Variants in MYBPC1 observed in about 807,000 individuals in gnomAD.
The protein encoded by MYBPC1 is myosin binding protein C1.
MYBPC1 carries 52 observed loss-of-function variants against 147.1 expected under a neutral mutation model. That is an observed-to-expected ratio of 0.35 (90% CI 0.28 to 0.45). The LOEUF is 0.45. MYBPC1 is among the 20% of genes least tolerant of loss of function. MYBPC1 has a pLI of 1.00. For missense variants in MYBPC1, 1,228 were observed against 1,440.3 expected, an observed-to-expected ratio of 0.85 and a Z score of 2.39; for synonymous variants, 477 against 475.9, an observed-to-expected ratio of 1.00 and a Z score of -0.03.
intron 22 of MYBPC1, chr12:101,664,482 G>A (rs1193073619): frequency 6.6e-6 from 1 of 152,180 alleles, no homozygotes; most frequent in African/African-American, 2.4e-5. Flanking sequence ...CTTTAACACA[G>A]ATCCTCGAAG....
At chr12:101,687,229 C>G (rs1168899655), downstream of MYBPC1, among the ~76,000 whole-genome samples, 6 of 152,050 alleles carry the variant, frequency 3.9e-5, no homozygotes, top group East Asian at 1.9e-4. Flanking sequence ...CCCGCTCCCC[C>G]CACCCCACAA....
chr12:101,632,094 A>G lies in MYBPC1; in HGVS notation c.512A>G (p.Tyr171Cys), dbSNP rs1890020152. The G allele has an allele frequency of 6.2e-7, 1 of 1,614,056 alleles. No homozygotes were observed. Among genetic ancestry groups the G allele is most frequent in the East Asian group, 2.2e-5 (1 of 44,888 alleles). The change falls in exon 8 of 32, where the codon TAT (tyrosine) becomes TGT (cysteine). Residue 171 changes from tyrosine (Y) to cysteine (C), a missense_variant. Physicochemically the swap from Tyr to Cys is radical, Grantham distance 194. Transcript: ENST00000361466. ...FAGNYRCEVTYKDKFDSCSFD... is the reference protein window; with the variant it reads ...FAGNYRCEVTCKDKFDSCSFD... The stretch of plus-strand genomic sequence containing the variant: ...GGAAATTACAGATGCGAGGTCACCT[A>G]TAAGGATAAGTTTGACAGCTGTTCA...
intron 10 of MYBPC1, 68 bp downstream of exon 10, chr12:101,636,796 C>T: frequency 1.5e-6 from 2 of 1,340,068 alleles, no homozygotes; most frequent in Non-Finnish European, 2.1e-6. Flanking sequence ...TCAGAGAAGT[C>T]AAGTTTAAAG....
Position 101,666,719 on chromosome 12 carries a change from T to G in MYBPC1, c.2357-1013T>G, listed in dbSNP as rs151263297. On this transcript the variant is annotated intron_variant, in intron 22 of 31. Transcript: ENST00000361466. ...TGGTGTGAAAGTGGGTGTCTTTAAT[T>G]AATTTTAATGACGGATTCTCAAAGG... is the stretch of plus-strand genomic sequence containing the variant. The G allele has an allele frequency of 5.1e-4, 813 of 1,604,834 alleles. 6 individuals are homozygous for G. In the African/African-American group the frequency reaches 8.1e-3, roughly 16 times the overall value.
intron 14 of MYBPC1, 118 bp downstream of exon 14, chr12:101,648,268 T>A (rs139108848): frequency 1.4e-6 from 1 of 700,572 alleles, no homozygotes; most frequent in African/African-American, 1.8e-5. Context: ...CTCCACCTCA[T>A]TTGTGTTAGT....
At chr12:101,687,221 C>T (rs775788271), downstream of MYBPC1, among the ~76,000 whole-genome samples, 11 of 151,988 alleles carry the variant, frequency 7.2e-5, no homozygotes, top group Non-Finnish European at 1.2e-4. Context: ...TATCCCTCCC[C>T]GCTCCCCCCA....
At chr12:101,633,323 A>G (rs1215891923) in intron 8 of MYBPC1, among the ~76,000 whole-genome samples, 1 of 152,206 alleles carries the variant, frequency 6.6e-6, no homozygotes, top group Admixed American at 6.5e-5. Context: ...ACAAATTTCC[A>G]TGCATGAGAA....
chr12:101,685,835 C>T lies in MYBPC1; in HGVS notation c.*273C>T. ...AGAAAAAAAAAAAAAAAAGTTTGCC[C>T]AGATTGCTTAATTAAAAATTGCAAA... On this transcript the variant is annotated 3_prime_UTR_variant, in exon 32 of 32. Coordinates refer to ENST00000361466, the MANE Select transcript of MYBPC1 (RefSeq NM_002465.4). 1 of 578,770 alleles carries T rather than the reference C, an allele frequency of 1.7e-6. No individual in the cohort carries two copies. The highest frequency in any genetic ancestry group is 2.9e-6 in the Non-Finnish European group (1 of 346,168). The allele number at this position is 578,770 out of a possible 1,614,324, so 35.9% of individuals were successfully genotyped here.
At chr12:101,675,184 G>A in intron 25 of MYBPC1, 108 bp from the exon 26 acceptor site, 1 of 1,435,602 alleles carries the variant, frequency 7.0e-7, no homozygotes, top group Non-Finnish European at 9.6e-7. Context: ...CTAGAAGAGT[G>A]ATGCCTCCTG....
In MYBPC1 at chr12:101,649,418, G is replaced by A; in HGVS notation, c.1355G>A (p.Ser452Asn). 1.2e-6 allele frequency: 2 copies of A among 1,613,816 alleles called. No homozygotes were observed. Among genetic ancestry groups the A allele is most frequent in the Non-Finnish European group, 1.7e-6 (2 of 1,179,784 alleles). ...TTGGQSSAKL[S>N]VDLKPLKILT... is the part of the protein sequence containing the mutation. ...GGAGGACAATCATCTGCTAAACTTA[G>A]TGTTGACTGTAAGTGAGACTTCTTT... is the stretch of plus-strand genomic sequence containing the variant. Residue 452 changes from serine to asparagine, a missense_variant, in exon 15 of 32, where the codon AGT becomes AAT. By Grantham distance (46) the Ser-to-Asn change is conservative. Transcript: ENST00000361466.
intron 14 of MYBPC1, 128 bp downstream of exon 14, chr12:101,648,278 T>C: frequency 3.1e-6 from 2 of 652,698 alleles, no homozygotes; most frequent in Non-Finnish European, 5.4e-6. Context: ...TTTGTGTTAG[T>C]AGAGATGATA....
chr12:101,638,677 GA>G (rs978120464), intron 10 of MYBPC1, among the ~76,000 whole-genome samples: 42 of 151,448 alleles, frequency 2.8e-4, no homozygotes, highest in African/African-American at 9.9e-4. Flanking sequence ...GATTAAAAAG[GA>G]AAAAAAGAAA....
At chr12:101,678,742 A>G (rs75175637) in intron 28 of MYBPC1, among the ~76,000 whole-genome samples, 6,181 of 152,326 alleles carry the variant, frequency 0.041, 199 homozygotes, top group South Asian at 0.15. Flanking sequence ...TTTGCATTTG[A>G]AAAGAACAAC....
At chr12:101,657,805 C>T (rs1186070901) in intron 18 of MYBPC1, among the ~76,000 whole-genome samples, 2 of 152,132 alleles carry the variant, frequency 1.3e-5, no homozygotes, top group Non-Finnish European at 2.9e-5. Context: ...AGAATGCTTC[C>T]TAATTCAATC....
chr12:101,681,630 A>G (rs1304277067), intron 29 of MYBPC1, among the ~76,000 whole-genome samples: 2 of 56,532 alleles, frequency 3.5e-5, no homozygotes, highest in Non-Finnish European at 6.4e-5. Context: ...TTTTTTTGAG[A>G]CAAGGTCTTG....
downstream of MYBPC1, among the ~76,000 whole-genome samples, chr12:101,686,952 T>C (rs1273820256): frequency 6.6e-6 from 1 of 152,198 alleles, no homozygotes; most frequent in Non-Finnish European, 1.5e-5. Flanking sequence ...GTTAAGAACA[T>C]TGGCTATCAC....
Position 101,678,138 on chromosome 12 carries a change from A to T in MYBPC1, c.3146A>T (p.Asp1049Val), listed in dbSNP as rs200704280. ...IYKNPVYEDF[D>V]FSEAPMFTQP... ...AAAAATCCAGTGTATGAAGACTTTG[A>T]TTTCTCAGAGGCACCCATGTTTACT... Residue 1049 changes from aspartate to valine, a missense_variant, in exon 28 of 32, where the codon GAT becomes GTT. By Grantham distance (152) the Asp-to-Val change is radical. Transcript: ENST00000361466. 2 of 1,613,974 alleles carry T rather than the reference A, an allele frequency of 1.2e-6. No individual in the cohort carries two copies. Among genetic ancestry groups the T allele is most frequent in the African/African-American group, 1.3e-5 (1 of 75,050 alleles).
chr12:101,647,581 C>T (rs775413014), intron 13 of MYBPC1, among the ~76,000 whole-genome samples: 11 of 151,996 alleles, frequency 7.2e-5, no homozygotes, highest in Non-Finnish European at 1.3e-4. Context: ...ACATAGAAAA[C>T]AAAACAAAAC....
intron 28 of MYBPC1, 87 bp downstream of exon 28, chr12:101,678,325 C>T (rs567189109): frequency 2.2e-5 from 35 of 1,555,690 alleles, no homozygotes; most frequent in South Asian, 1.0e-4. Flanking sequence ...ACAAATCCAG[C>T]TGCTACTTGT....
Sources: gnomAD v4.1 joint callset for allele counts (sites outside exome capture counted in the v4.1 genomes callset) on GRCh38, gnomAD v4.1.1 for gene constraint, MANE v1.5 for transcripts, NCBI Gene and HGNC (gene_info 2026-07-23, HGNC 2026-07-21) for gene names.